Variants in EPHA5 observed in about 807,000 individuals in gnomAD.
EPHA5 encodes the protein EPH receptor A5, also known as ephrin type-A receptor 5.
In EPHA5, 60 loss-of-function variants were observed where a neutral mutation model predicts 105.0. That is an observed-to-expected ratio of 0.57 (90% CI 0.46 to 0.71). EPHA5 has a LOEUF of 0.71. Among genes scored for constraint, EPHA5 ranks in the 30% least tolerant of loss-of-function variants. The pLI is 0.00. For missense variants in EPHA5, 1,218 were observed against 1,274.7 expected, an observed-to-expected ratio of 0.96 and a Z score of 0.68; for synonymous variants, 513 against 449.1, an observed-to-expected ratio of 1.14 and a Z score of -1.80.
At chr4:65,530,056 A>G (rs1218570147) in intron 3 of EPHA5, among the ~76,000 whole-genome samples, 1 of 152,160 alleles carries the variant, frequency 6.6e-6, no homozygotes, top group Non-Finnish European at 1.5e-5. Flanking sequence ...GAATACAGAG[A>G]TAATATAAGT....
chr4:65,477,637 C>G (rs1189306415), intron 5 of EPHA5, among the ~76,000 whole-genome samples: 1 of 151,988 alleles, frequency 6.6e-6, no homozygotes, highest in Non-Finnish European at 1.5e-5. Context: ...TGGTCTCGAT[C>G]TCTTGACCTC....
intron 5 of EPHA5, among the ~76,000 whole-genome samples, chr4:65,458,501 A>G (rs1727826099): frequency 6.6e-6 from 1 of 152,108 alleles, no homozygotes; most frequent in African/African-American, 2.4e-5. Context: ...ACCTTATTCA[A>G]CTGTCTCCTT....
intron 3 of EPHA5, among the ~76,000 whole-genome samples, chr4:65,540,759 T>G (rs1736743976): frequency 6.7e-6 from 1 of 149,970 alleles, no homozygotes; most frequent in Admixed American, 6.7e-5. Context: ...ATTTCCTGAT[T>G]TTTTTTTTCT....
At chr4:65,539,579 C>T (rs1046226277) in intron 3 of EPHA5, among the ~76,000 whole-genome samples, 22 of 151,552 alleles carry the variant, frequency 1.5e-4, no homozygotes, top group African/African-American at 5.3e-4. Flanking sequence ...ACCAGCTGCA[C>T]CAAAATCTGC....
rs13126176 is a variant in EPHA5 at position 65,465,569 on chromosome 4, G to A, written c.1402+24808C>T. ...AGGAAAGGAAGGAAAGGAAGGAAAG[G>A]AAGGAAAGGAAGGAAAGGAAAGAAA... On this transcript the variant is annotated intron_variant, in intron 5 of 16. Coordinates refer to ENST00000613740, the MANE Select transcript of EPHA5 (RefSeq NM_001281766.3). Among the ~76,000 whole-genome samples, 243 of 147,760 alleles carry A rather than the reference G, an allele frequency of 1.6e-3. 1 individual carries two copies. Among genetic ancestry groups the A allele is most frequent in the African/African-American group, 5.7e-3 (224 of 39,598 alleles).
intron 7 of EPHA5, among the ~76,000 whole-genome samples, chr4:65,406,852 G>A (rs1303185585): frequency 5.3e-5 from 8 of 151,840 alleles, no homozygotes; most frequent in East Asian, 1.9e-4. Context: ...GCAAATAAAC[G>A]TATCATTAAT....
At chr4:65,618,290 A>G (rs2149471485) in intron 2 of EPHA5, among the ~76,000 whole-genome samples, 1 of 152,332 alleles carries the variant, frequency 6.6e-6, no homozygotes, top group Non-Finnish European at 1.5e-5. Context: ...AATTTCATTA[A>G]TTCTTTGATT....
At chr4:65,408,840 G>A (rs1044399524) in intron 7 of EPHA5, among the ~76,000 whole-genome samples, 1 of 151,850 alleles carries the variant, frequency 6.6e-6, no homozygotes, top group African/African-American at 2.4e-5. Context: ...CCATTACTGG[G>A]TATATACCCA....
At chr4:65,380,023 C>A (rs558574544) in intron 8 of EPHA5, among the ~76,000 whole-genome samples, 6 of 151,834 alleles carry the variant, frequency 4.0e-5, no homozygotes, top group African/African-American at 1.4e-4. Context: ...ATTTTTCCAT[C>A]AACCAATAAA....
chr4:65,434,432 TA>T (rs1397172747), intron 5 of EPHA5, among the ~76,000 whole-genome samples: 12 of 152,152 alleles, frequency 7.9e-5, no homozygotes, highest in Non-Finnish European at 1.5e-4. Context: ...GCCAAGACGA[TA>T]TATTTCTAAT....
At chr4:65,599,346 A>AT in intron 3 of EPHA5, among the ~76,000 whole-genome samples, 3 of 47,470 alleles carry the variant, frequency 6.3e-5, no homozygotes, top group Non-Finnish European at 1.4e-4. Flanking sequence ...GTGGCATTTT[A>AT]TAACACACAC....
intron 3 of EPHA5, among the ~76,000 whole-genome samples, chr4:65,537,328 A>G (rs900238842): frequency 5.9e-5 from 9 of 151,746 alleles, no homozygotes; most frequent in Non-Finnish European, 1.2e-4. Flanking sequence ...GTGGTGAGAG[A>G]TATTTTGTAA....
intron 8 of EPHA5, among the ~76,000 whole-genome samples, chr4:65,393,770 A>T (rs1720950931): frequency 6.6e-6 from 1 of 152,170 alleles, no homozygotes; most frequent in African/African-American, 2.4e-5. Context: ...AAGCCACTCT[A>T]AATTATGCCT....
intron 5 of EPHA5, among the ~76,000 whole-genome samples, chr4:65,477,116 G>C (rs1290980154): frequency 6.6e-6 from 1 of 152,126 alleles, no homozygotes; most frequent in Non-Finnish European, 1.5e-5. Context: ...ATAGACAACA[G>C]AACAAATTGT....
intron 7 of EPHA5, among the ~76,000 whole-genome samples, chr4:65,410,275 G>T (rs1005603415): frequency 5.9e-5 from 9 of 152,100 alleles, no homozygotes; most frequent in African/African-American, 1.9e-4. Flanking sequence ...GGATCAATCT[G>T]CAGGGAATCA....
chr4:65,465,280 CA>C (rs1728503805), intron 5 of EPHA5, among the ~76,000 whole-genome samples: 1 of 151,420 alleles, frequency 6.6e-6, no homozygotes, highest in Non-Finnish European at 1.5e-5. Flanking sequence ...ACTAACAATA[CA>C]AAAAATTAGC....
At chr4:65,629,241 A>G (rs1284537266) in intron 2 of EPHA5, among the ~76,000 whole-genome samples, 1 of 152,218 alleles carries the variant, frequency 6.6e-6, no homozygotes, top group Non-Finnish European at 1.5e-5. Context: ...GATGCAGCAC[A>G]AGGACTTTCA....
chr4:65,358,666 T>G (rs555749054), intron 11 of EPHA5, among the ~76,000 whole-genome samples: 11 of 151,608 alleles, frequency 7.3e-5, no homozygotes, highest in South Asian at 4.1e-4. Flanking sequence ...AACTTAGAAA[T>G]GTACTCAGAT....
At chr4:65,573,970 G>T in intron 3 of EPHA5, 3 of 1,585,638 alleles carry the variant, frequency 1.9e-6, no homozygotes, top group Non-Finnish European at 2.6e-6. Context: ...CAGCTGGCTA[G>T]TGGCTTATTA....
Sources: allele counts gnomAD v4.1 joint callset (sites outside exome capture counted in the v4.1 genomes callset), GRCh38; gene constraint gnomAD v4.1.1; transcripts MANE v1.5; gene names NCBI Gene and HGNC (gene_info 2026-07-23, HGNC 2026-07-21).